The following RGPD2 variants were observed in gnomAD, a reference collection of about 807,000 sequenced individuals.
RGPD2 encodes RANBP2-like and GRIP domain-containing protein 2.
A neutral mutation model predicts 36.0 loss-of-function variants in RGPD2; 2 were observed. The observed-to-expected ratio is 0.06, with a 90% CI of 0.02 to 0.17. The LOEUF (loss-of-function observed/expected upper bound fraction) is 0.17. RGPD2 is among the 10% of genes least tolerant of loss of function. The pLI is 1.00. For missense variants in RGPD2, 40 were observed against 464.3 expected (o/e 0.09, Z 8.40); for synonymous variants, 19 against 163.8 (o/e 0.12, Z 6.75).
the RGPD2 span, among the ~76,000 whole-genome samples, chr2:87,846,613 G>T: frequency 6.6e-6 from 1 of 152,050 alleles, no homozygotes; most frequent in Non-Finnish European, 1.5e-5. Context: ...GTGTAAGAAC[G>T]CTATGAGCAT....
At chr2:87,938,218 T>C in the RGPD2 span, among the ~76,000 whole-genome samples, 5,424 of 151,812 alleles carry the variant, frequency 0.036, 333 homozygotes, top group African/African-American at 0.12. Context: ...TTAAATGATC[T>C]TGTGACAATT....
chr2:87,849,524 T>C, the RGPD2 span, among the ~76,000 whole-genome samples: 4 of 150,248 alleles, frequency 2.7e-5, no homozygotes, highest in African/African-American at 9.8e-5. Flanking sequence ...TGTATTCAGA[T>C]TTTTCTCGTT....
At chr2:87,906,361 T>C in the RGPD2 span, among the ~76,000 whole-genome samples, 1 of 7,442 alleles carries the variant, frequency 1.3e-4, no homozygotes, top group Admixed American at 1.1e-3. Context: ...TCAGTTCTTA[T>C]AGAGTGATGT....
chr2:87,879,488 G>T, the RGPD2 span, among the ~76,000 whole-genome samples: 1 of 125,248 alleles, frequency 8.0e-6, no homozygotes, highest in Non-Finnish European at 1.7e-5. Context: ...CCCAGCCTCT[G>T]GTAAATGTCC....
At chr2:87,807,412 A>T (rs1405791992) in intron 6 of RGPD2, among the ~76,000 whole-genome samples, 1 of 130,016 alleles carries the variant, frequency 7.7e-6, no homozygotes, top group East Asian at 2.3e-4. Flanking sequence ...TTTGAGACAG[A>T]GTCTCTCACT....
the RGPD2 span, among the ~76,000 whole-genome samples, chr2:87,853,014 CTTAGTA>C: frequency 6.6e-6 from 1 of 152,160 alleles, no homozygotes; most frequent in Admixed American, 6.5e-5. Context: ...TAGGCCTGCC[CTTAGTA>C]GGCACTTAGT....
At chr2:87,923,604 T>C in the RGPD2 span, among the ~76,000 whole-genome samples, 5 of 151,008 alleles carry the variant, frequency 3.3e-5, no homozygotes, top group Admixed American at 6.6e-5. Flanking sequence ...TCCCACTTCA[T>C]AGGTATAACA....
the RGPD2 span, among the ~76,000 whole-genome samples, chr2:87,951,532 C>T: frequency 6.6e-6 from 1 of 152,124 alleles, no homozygotes; most frequent in South Asian, 2.1e-4. Context: ...GTAGTTAGTT[C>T]CTTGAGGACA....
At chr2:87,881,864 A>G in the RGPD2 span, among the ~76,000 whole-genome samples, 10,023 of 103,416 alleles carry the variant, frequency 0.097, no homozygotes, top group East Asian at 0.24. Flanking sequence ...TTATTGCCTC[A>G]TGTTTCTGCA....
chr2:87,842,188 T>C, the RGPD2 span, among the ~76,000 whole-genome samples: 1 of 152,000 alleles, frequency 6.6e-6, no homozygotes, highest in African/African-American at 2.4e-5. Context: ...TTATTCAACA[T>C]AGTGTTGGAA....
chr2:87,876,977 T>A, the RGPD2 span, among the ~76,000 whole-genome samples: 13 of 152,392 alleles, frequency 8.5e-5, no homozygotes, highest in South Asian at 8.3e-4. Flanking sequence ...GTCTTTTTTT[T>A]ATCTTTCTTG....
the RGPD2 span, among the ~76,000 whole-genome samples, chr2:87,847,207 A>T: frequency 2.0e-5 from 3 of 152,158 alleles, no homozygotes; most frequent in South Asian, 6.2e-4. Context: ...TGTTAAGCGT[A>T]AAACCTTTTT....
the RGPD2 span, among the ~76,000 whole-genome samples, chr2:87,980,034 AC>A: frequency 6.6e-6 from 1 of 151,384 alleles, no homozygotes; most frequent in African/African-American, 2.4e-5. Flanking sequence ...ATTTAAAAAA[AC>A]ATATTTGGAC....
the RGPD2 span, among the ~76,000 whole-genome samples, chr2:87,988,541 A>ATATATATATATATATATATATATTT: frequency 5.5e-5 from 3 of 54,152 alleles, no homozygotes; most frequent in Non-Finnish European, 1.3e-4. Flanking sequence ...ATATATATAT[A>ATATATATATATATATATATATATTT]TTTTTTTTTT....
chr2:87,884,549 AAACT>A, the RGPD2 span, among the ~76,000 whole-genome samples: 42 of 151,954 alleles, frequency 2.8e-4, no homozygotes, highest in South Asian at 1.0e-3. Context: ...AACCTTAGCT[AAACT>A]AACTAAGAAT....
chr2:87,843,968 A>C, the RGPD2 span, among the ~76,000 whole-genome samples: 5 of 152,104 alleles, frequency 3.3e-5, no homozygotes, highest in Admixed American at 2.0e-4. Flanking sequence ...AAGAACAAAA[A>C]ACCAAACACC....
chr2:87,876,587 A>G, the RGPD2 span, among the ~76,000 whole-genome samples: 3 of 152,212 alleles, frequency 2.0e-5, no homozygotes. Context: ...ACTGTGGTCC[A>G]AGTCTTTTGC....
the RGPD2 span, among the ~76,000 whole-genome samples, chr2:87,854,774 T>C: frequency 6.6e-6 from 1 of 152,136 alleles, no homozygotes; most frequent in African/African-American, 2.4e-5. Context: ...TTTATTCACC[T>C]ATTGAAGGAC....
chr2:87,759,100 T>C (rs1684838194), intron 22 of RGPD2, among the ~76,000 whole-genome samples: 1 of 130,898 alleles, frequency 7.6e-6, no homozygotes, highest in African/African-American at 2.7e-5. Flanking sequence ...CACCACAACC[T>C]CCGCCTCCGG....
Sources: gnomAD v4.1 joint callset for allele counts (sites outside exome capture counted in the v4.1 genomes callset) on GRCh38, gnomAD v4.1.1 for gene constraint, MANE v1.5 for transcripts, NCBI Gene and HGNC (gene_info 2026-07-23, HGNC 2026-07-21) for gene names.